The following LRP1B variants were observed in gnomAD, a reference collection of about 807,000 sequenced individuals.
LRP1B encodes low-density lipoprotein receptor-related protein 1B.
In LRP1B, 217 loss-of-function variants were observed where a neutral mutation model predicts 556.6. The ratio of observed to expected loss-of-function variants is 0.39; its 90% CI spans 0.35 to 0.44. LRP1B has a LOEUF of 0.44. LRP1B is among the 20% of genes least tolerant of loss of function. LRP1B has a pLI of 1.00. For synonymous variants in LRP1B, 2,047 were observed against 1,865.8 expected, an observed-to-expected ratio of 1.10 and a Z score of -2.50; for missense variants, 5,053 against 5,620.8, an observed-to-expected ratio of 0.90 and a Z score of 3.23.
chr2:141,432,810 A>G (rs530109373), intron 3 of LRP1B, among the ~76,000 whole-genome samples: 3 of 151,290 alleles, frequency 2.0e-5, no homozygotes, highest in Non-Finnish European at 3.0e-5. Flanking sequence ...TTCTTGGTCA[A>G]GTTAAACTTG....
chr2:140,388,285 A>G (rs969674464), intron 66 of LRP1B, among the ~76,000 whole-genome samples: 3 of 152,198 alleles, frequency 2.0e-5, no homozygotes, highest in Middle Eastern at 3.4e-3. Context: ...GATATAAGAA[A>G]ATAAGAAAGA....
intron 66 of LRP1B, among the ~76,000 whole-genome samples, chr2:140,409,824 A>G (rs563130590): frequency 6.6e-6 from 1 of 152,156 alleles, no homozygotes; most frequent in East Asian, 1.9e-4. Context: ...TAATATCTAC[A>G]TCATAAACCA....
chr2:140,880,359 G>A (rs17518189), intron 25 of LRP1B, among the ~76,000 whole-genome samples: 49,372 of 151,840 alleles, frequency 0.33, 8,150 homozygotes, highest in African/African-American at 0.37. Flanking sequence ...GGGATTCATG[G>A]TCTCTTTCAG....
At chr2:140,929,189 G>T (rs187593146) in intron 20 of LRP1B, among the ~76,000 whole-genome samples, 15 of 152,196 alleles carry the variant, frequency 9.9e-5, no homozygotes, top group African/African-American at 2.6e-4. Context: ...CATTTGAAAA[G>T]ATTTCAGAAT....
chr2:141,578,396 CAAAAAAAA>C (rs554339088), intron 2 of LRP1B, among the ~76,000 whole-genome samples: 1 of 73,164 alleles, frequency 1.4e-5, no homozygotes, highest in African/African-American at 5.6e-5. Context: ...GAGTCCTTCT[CAAAAAAAA>C]AAAAAAAGAA....
At chr2:141,477,841 CA>C (rs1682769833) in intron 3 of LRP1B, among the ~76,000 whole-genome samples, 1 of 151,934 alleles carries the variant, frequency 6.6e-6, no homozygotes, top group East Asian at 1.9e-4. Flanking sequence ...CTAAGTCTAC[CA>C]TAGGTCATAA....
intron 5 of LRP1B, among the ~76,000 whole-genome samples, chr2:141,231,611 C>T (rs889653744): frequency 1.3e-5 from 2 of 148,906 alleles, no homozygotes; most frequent in Non-Finnish European, 3.0e-5. Context: ...TCCCCCCACC[C>T]CCACCCCTGC....
chr2:141,548,246 A>G (rs1003991264), intron 2 of LRP1B, among the ~76,000 whole-genome samples: 1 of 152,230 alleles, frequency 6.6e-6, no homozygotes, highest in Non-Finnish European at 1.5e-5. Context: ...CTTTGAAAGC[A>G]TCTCAATCAG....
chr2:140,786,074 G>A (rs1213015881), intron 32 of LRP1B, among the ~76,000 whole-genome samples: 1 of 152,160 alleles, frequency 6.6e-6, no homozygotes, highest in Non-Finnish European at 1.5e-5. Flanking sequence ...ATGCAAATGT[G>A]AGCATGTCCC....
intron 3 of LRP1B, among the ~76,000 whole-genome samples, chr2:141,322,154 C>A (rs1238745666): frequency 6.6e-6 from 1 of 152,004 alleles, no homozygotes; most frequent in Non-Finnish European, 1.5e-5. Context: ...AATCTTATTC[C>A]CAGCAGCTTT....
At chr2:141,460,900 G>A (rs1573969549) in intron 3 of LRP1B, among the ~76,000 whole-genome samples, 1 of 152,170 alleles carries the variant, frequency 6.6e-6, no homozygotes, top group African/African-American at 2.4e-5. Flanking sequence ...GTTCTCAGGG[G>A]TGGGGAAGAT....
chr2:140,756,949 T>C (rs561428026), intron 35 of LRP1B, among the ~76,000 whole-genome samples: 1 of 152,166 alleles, frequency 6.6e-6, no homozygotes, highest in South Asian at 2.1e-4. Flanking sequence ...TATTCAAAAT[T>C]CTAGTAACTC....
intron 21 of LRP1B, among the ~76,000 whole-genome samples, chr2:140,921,494 T>G (rs1226288176): frequency 1.3e-5 from 2 of 151,990 alleles, no homozygotes; most frequent in Non-Finnish European, 2.9e-5. Flanking sequence ...GCATTAGAAT[T>G]CCCCTATTAA....
intron 79 of LRP1B, among the ~76,000 whole-genome samples, chr2:140,326,919 G>GTA (rs1442902932): frequency 6.6e-6 from 1 of 152,008 alleles, no homozygotes; most frequent in African/African-American, 2.4e-5. Context: ...AATCCATCCA[G>GTA]TATATTTTTG....
chr2:140,693,478 G>A (rs892593297), intron 41 of LRP1B, among the ~76,000 whole-genome samples: 4 of 152,006 alleles, frequency 2.6e-5, no homozygotes, highest in African/African-American at 9.7e-5. Context: ...CCACCACACT[G>A]AGACATTTTG....
intron 36 of LRP1B, 149 bp from the exon 37 acceptor site, chr2:140,716,251 AG>A: frequency 1.7e-6 from 1 of 578,184 alleles, no homozygotes; most frequent in East Asian, 2.7e-5. Context: ...CTAAGCAGAA[AG>A]CTGTAAATAA....
rs77127793 is a variant in LRP1B at position 140,449,072 on chromosome 2, C to T, written c.10057+1496G>A. On this transcript the variant is annotated intron_variant, in intron 63 of 90. Coordinates refer to ENST00000389484, the MANE Select transcript of LRP1B (RefSeq NM_018557.3). ...TACTAAGTCTGTAGTTAATTTTTCA[C>T]ATCAATATGGTTCCAGGATGAAATT... is the stretch of plus-strand genomic sequence containing the variant. Among the ~76,000 whole-genome samples the T allele has an allele frequency of 7.5e-4, 114 of 152,098 alleles. 4 individuals are homozygous for T. The East Asian group carries it at 0.021, about 27-fold the overall frequency.
chr2:141,292,891 T>C (rs1289525807), intron 3 of LRP1B, among the ~76,000 whole-genome samples: 2 of 152,172 alleles, frequency 1.3e-5, no homozygotes, highest in East Asian at 1.9e-4. Flanking sequence ...ATCTGAATAA[T>C]GCATGAACTT....
intron 15 of LRP1B, among the ~76,000 whole-genome samples, chr2:141,004,525 T>C (rs986254876): frequency 1.3e-5 from 2 of 152,102 alleles, no homozygotes; most frequent in Non-Finnish European, 1.5e-5. Context: ...CCATGGACTC[T>C]CATGGATTTC....
Sources: gnomAD v4.1 joint callset for allele counts (sites outside exome capture counted in the v4.1 genomes callset) on GRCh38, gnomAD v4.1.1 for gene constraint, MANE v1.5 for transcripts, NCBI Gene and HGNC (gene_info 2026-07-23, HGNC 2026-07-21) for gene names.